The following LOC128092252 variants were observed in gnomAD, a reference collection of about 807,000 sequenced individuals.
At chr15:50,684,455 A>C in the LOC128092252 span, among the ~76,000 whole-genome samples, 13 of 152,088 alleles carry the variant, frequency 8.5e-5, no homozygotes, top group African/African-American at 3.1e-4. Context: ...ACCCTGGCCA[A>C]TATGACGAAA....
the LOC128092252 span, among the ~76,000 whole-genome samples, chr15:50,678,520 AT>A: frequency 0.011 from 1,129 of 100,376 alleles, 18 homozygotes; most frequent in African/African-American, 0.037. Flanking sequence ...AAAAAAAAAT[AT>A]ATATATATAT....
chr15:50,671,954 A>G, the LOC128092252 span, among the ~76,000 whole-genome samples: 1 of 151,612 alleles, frequency 6.6e-6, no homozygotes, highest in African/African-American at 2.4e-5. Flanking sequence ...TGTACAGTAC[A>G]TAATACTTTG....
At chr15:50,682,228 TCTTGA>T in the LOC128092252 span, among the ~76,000 whole-genome samples, 1 of 139,402 alleles carries the variant, frequency 7.2e-6, no homozygotes, top group Middle Eastern at 4.4e-3. Context: ...AAGAGTCAAG[TCTTGA>T]CTTATCAACT....
the LOC128092252 span, among the ~76,000 whole-genome samples, chr15:50,653,405 C>A: frequency 0.029 from 4,360 of 152,260 alleles, 92 homozygotes; most frequent in Middle Eastern, 0.099. Flanking sequence ...TAAATCTTAT[C>A]AAGAGTACCA....
the LOC128092252 span, among the ~76,000 whole-genome samples, chr15:50,679,086 ATGGTC>A: frequency 1.7e-4 from 26 of 150,540 alleles, 4 homozygotes; most frequent in African/African-American, 6.2e-4. Context: ...GTTGGCCAGG[ATGGTC>A]TCGATCTCTT....
chr15:50,655,450 A>AC, the LOC128092252 span, among the ~76,000 whole-genome samples: 7 of 144,404 alleles, frequency 4.8e-5, no homozygotes, highest in South Asian at 1.1e-3. Context: ...AAAAAAAACA[A>AC]AAAAACAAAA....
At chr15:50,686,395 TC>T in the LOC128092252 span, 2 of 1,455,448 alleles carry the variant, frequency 1.4e-6, no homozygotes, top group Non-Finnish European at 1.9e-6. Context: ...AGAGGACAAA[TC>T]CGGAAGCCTC....
the LOC128092252 span, among the ~76,000 whole-genome samples, chr15:50,678,643 T>G: frequency 2.0e-5 from 3 of 151,958 alleles, no homozygotes; most frequent in East Asian, 5.8e-4. Flanking sequence ...TAGATATTAC[T>G]GACATTTTAG....
chr15:50,651,328 T>A, the LOC128092252 span, among the ~76,000 whole-genome samples: 3 of 152,146 alleles, frequency 2.0e-5, no homozygotes, highest in African/African-American at 7.2e-5. Flanking sequence ...AAAACAAGTA[T>A]TATAAATGAG....
the LOC128092252 span, among the ~76,000 whole-genome samples, chr15:50,672,299 G>A: frequency 3.1e-3 from 474 of 151,740 alleles, 1 homozygote; most frequent in African/African-American, 0.011. Flanking sequence ...GACGTGATCC[G>A]CCCACCTTGG....
the LOC128092252 span, among the ~76,000 whole-genome samples, chr15:50,655,761 G>A: frequency 0.14 from 20,963 of 152,138 alleles, 1,474 homozygotes; most frequent in Middle Eastern, 0.2. Context: ...ACTTTGGGAG[G>A]CCAAGGCAGG....
chr15:50,673,018 A>G, the LOC128092252 span, among the ~76,000 whole-genome samples: 2 of 151,922 alleles, frequency 1.3e-5, no homozygotes, highest in Non-Finnish European at 2.9e-5. Context: ...AAAGTTTTAA[A>G]ATGTTTACAA....
At chr15:50,671,668 A>G in the LOC128092252 span, among the ~76,000 whole-genome samples, 81,790 of 151,690 alleles carry the variant, frequency 0.54, 22,266 homozygotes, top group Admixed American at 0.62. Context: ...TAATTAGCCA[A>G]GCATGTTGGT....
At chr15:50,661,324 T>A in the LOC128092252 span, among the ~76,000 whole-genome samples, 1 of 152,128 alleles carries the variant, frequency 6.6e-6, no homozygotes, top group Non-Finnish European at 1.5e-5. Context: ...AGCAGGTACA[T>A]TTTGCATATA....
chr15:50,679,511 AATATATAT>A, the LOC128092252 span, among the ~76,000 whole-genome samples: 4 of 75,440 alleles, frequency 5.3e-5, no homozygotes, highest in South Asian at 3.9e-4. Flanking sequence ...GTATATATAT[AATATATAT>A]ATATATATAT....
At chr15:50,686,633 G>C in the LOC128092252 span, 1 of 1,520,118 alleles carries the variant, frequency 6.6e-7, no homozygotes, top group African/African-American at 1.4e-5. Flanking sequence ...GGCGGCAGCA[G>C]AGGCCGCCGG....
the LOC128092252 span, among the ~76,000 whole-genome samples, chr15:50,682,990 C>T: frequency 1.3e-5 from 2 of 151,700 alleles, no homozygotes; most frequent in South Asian, 2.1e-4. Flanking sequence ...TCAAGCCATC[C>T]TCCCACCTCA....
chr15:50,649,981 G>C, the LOC128092252 span, among the ~76,000 whole-genome samples: 2 of 151,898 alleles, frequency 1.3e-5, no homozygotes, highest in Non-Finnish European at 2.9e-5. Flanking sequence ...GATTACCTGA[G>C]GTCAGGAGTT....
At chr15:50,675,514 C>T in the LOC128092252 span, among the ~76,000 whole-genome samples, 3 of 152,122 alleles carry the variant, frequency 2.0e-5, no homozygotes, top group Non-Finnish European at 4.4e-5. Flanking sequence ...ACACAGGAAT[C>T]GGCTTCACAA....
Sources: gnomAD v4.1 joint callset for allele counts (sites outside exome capture counted in the v4.1 genomes callset) on GRCh38, gnomAD v4.1.1 for gene constraint, MANE v1.5 for transcripts.